TMEM266: variants seen among roughly 807,000 people sequenced by gnomAD.
TMEM266 encodes transmembrane protein 266, also known as Hv1 related protein 1.
In TMEM266, 33 loss-of-function variants were observed where a neutral mutation model predicts 50.5. The observed-to-expected ratio is 0.65, with a 90% confidence interval of 0.50 to 0.87. TMEM266 has a LOEUF of 0.87. Ranked by LOEUF, TMEM266 falls within the 40% of genes least tolerant of loss-of-function variation. The pLI is 0.00. For missense variants in TMEM266, 655 were observed against 695.1 expected (o/e 0.94, Z 0.65); for synonymous variants, 310 against 292.3 (o/e 1.06, Z -0.62).
intron 1 of TMEM266, among the ~76,000 whole-genome samples, chr15:76,108,562 G>C (rs1596109287): frequency 6.6e-6 from 1 of 152,168 alleles, no homozygotes; most frequent in Non-Finnish European, 1.5e-5. Context: ...GCTGCTGCTG[G>C]ACCCGGGACC....
intron 2 of TMEM266, among the ~76,000 whole-genome samples, chr15:76,136,223 G>A (rs137909395): frequency 1.3e-3 from 193 of 152,264 alleles, no homozygotes; most frequent in African/African-American, 4.5e-3. Flanking sequence ...GATTACAGGC[G>A]TGAGCCACCA....
At chr15:76,190,471 G>A (rs1276104369) in intron 8 of TMEM266, among the ~76,000 whole-genome samples, 1 of 152,142 alleles carries the variant, frequency 6.6e-6, no homozygotes, top group East Asian at 1.9e-4. Flanking sequence ...GGGTGTGGGA[G>A]AGTCCCCCTG....
intron 1 of TMEM266, chr15:76,114,140 T>C (rs997732563): frequency 6.6e-6 from 1 of 152,196 alleles, no homozygotes; most frequent in Non-Finnish European, 1.5e-5. Context: ...AAAGGAAAAT[T>C]AGACAGTATA....
Position 76,167,276 on chromosome 15 carries a change from C to T in TMEM266, c.457-2540C>T, listed in dbSNP as rs551671793. Among the ~76,000 whole-genome samples the T allele has an allele frequency of 1.3e-4, 20 of 152,088 alleles. 1 individual carries two copies. In the South Asian group the frequency reaches 4.2e-3, roughly 32 times the overall value. On this transcript the variant is annotated intron_variant, in intron 5 of 10. Transcript: ENST00000388942. ...ATGAGGTCGGTAGATCGAGACCATC[C>T]TGGCTAACATGGTGAAACCCCGTCT...
intron 1 of TMEM266, among the ~76,000 whole-genome samples, chr15:76,077,904 C>G (rs2036627733): frequency 6.6e-6 from 1 of 151,964 alleles, no homozygotes; most frequent in Non-Finnish European, 1.5e-5. Flanking sequence ...AGATGGTATT[C>G]ATTCTTATGG....
intron 1 of TMEM266, among the ~76,000 whole-genome samples, chr15:76,080,409 G>A (rs545002570): frequency 3.4e-4 from 50 of 147,630 alleles, no homozygotes; most frequent in African/African-American, 1.3e-3. Context: ...GCACCACCAC[G>A]CCTGGCTAAT....
intron 9 of TMEM266, 132 bp from the exon 10 acceptor site, chr15:76,202,070 G>A: frequency 2.8e-6 from 2 of 712,114 alleles, no homozygotes; most frequent in Non-Finnish European, 4.5e-6. Flanking sequence ...CTAAGAGGCA[G>A]CTCCCGTCAC....
At chr15:76,115,943 G>A (rs1266548690) in intron 1 of TMEM266, among the ~76,000 whole-genome samples, 2 of 152,178 alleles carry the variant, frequency 1.3e-5, no homozygotes, top group East Asian at 3.8e-4. Flanking sequence ...TTTTACTGGA[G>A]CAGTGCTCAG....
At chr15:76,105,691 C>G (rs1342999018) in intron 1 of TMEM266, among the ~76,000 whole-genome samples, 1 of 152,178 alleles carries the variant, frequency 6.6e-6, no homozygotes, top group Non-Finnish European at 1.5e-5. Context: ...AAGCGCTGCT[C>G]AAAGAGATGG....
Position 76,204,045 on chromosome 15 carries a change from C to T in TMEM266, c.1326C>T (p.Asp442=). The T allele has an allele frequency of 1.2e-6, 2 of 1,612,380 alleles. No individual in the cohort carries two copies. Among genetic ancestry groups the T allele is most frequent in the Non-Finnish European group, 1.7e-6 (2 of 1,179,196 alleles). Residue 442 remains aspartate, a synonymous_variant, in exon 11 of 11, where the codon GAC becomes GAT. Transcript: ENST00000388942. ...VQDLLSSLSE[D]PCPSQKALDP... The stretch of plus-strand genomic sequence containing the variant: ...AGGTGGAGGAGGCCACAGTCCAGGA[C>T]CTGCTGTCCTCCCTGTCGGAGGACC...
intron 8 of TMEM266, among the ~76,000 whole-genome samples, chr15:76,186,432 C>T (rs1345257219): frequency 6.6e-6 from 1 of 152,200 alleles, no homozygotes; most frequent in Non-Finnish European, 1.5e-5. Flanking sequence ...AGCCATTTTG[C>T]CCATGTGTGC....
chr15:76,062,995 GT>G (rs1398617753), intron 1 of TMEM266, among the ~76,000 whole-genome samples: 1 of 152,088 alleles, frequency 6.6e-6, no homozygotes, highest in Non-Finnish European at 1.5e-5. Context: ...TGGGATATTT[GT>G]TTTTCCTTGA....
intron 1 of TMEM266, among the ~76,000 whole-genome samples, chr15:76,060,902 T>C (rs758426281): frequency 1.3e-5 from 2 of 152,198 alleles, no homozygotes; most frequent in Admixed American, 6.5e-5. Flanking sequence ...GCTTGGCTTT[T>C]CTTTTAAAAT....
intron 3 of TMEM266, among the ~76,000 whole-genome samples, chr15:76,154,932 AG>A (rs2037902298): frequency 1.3e-5 from 2 of 152,328 alleles, no homozygotes; most frequent in South Asian, 4.1e-4. Flanking sequence ...TTCCGAGAGA[AG>A]GGGGCGCCTC....
chr15:76,084,623 C>G (rs1015417748), intron 1 of TMEM266, among the ~76,000 whole-genome samples: 7 of 150,206 alleles, frequency 4.7e-5, no homozygotes, highest in African/African-American at 7.4e-5. Context: ...TTTTTTGAGA[C>G]AGAGTCTTGC....
chr15:76,081,219 C>T (rs893105437), intron 1 of TMEM266, among the ~76,000 whole-genome samples: 5 of 152,226 alleles, frequency 3.3e-5, no homozygotes, highest in African/African-American at 1.2e-4. Flanking sequence ...TTACTTTTCT[C>T]CCATGCTATT....
At chr15:76,129,446 A>G (rs2037471617) in intron 1 of TMEM266, among the ~76,000 whole-genome samples, 1 of 152,080 alleles carries the variant, frequency 6.6e-6, no homozygotes, top group South Asian at 2.1e-4. Flanking sequence ...GTTCGAGACT[A>G]GCCTGGCCAA....
chr15:76,069,321 G>A (rs755099643), intron 1 of TMEM266, among the ~76,000 whole-genome samples: 2 of 152,156 alleles, frequency 1.3e-5, no homozygotes, highest in Non-Finnish European at 2.9e-5. Flanking sequence ...GAAAAAGCAG[G>A]AGGAGATAGG....
At chr15:76,119,391 C>CAAAAAAA (rs57532855) in intron 1 of TMEM266, among the ~76,000 whole-genome samples, 3 of 109,722 alleles carry the variant, frequency 2.7e-5, no homozygotes, top group Admixed American at 8.7e-5. Flanking sequence ...GGGTTTATGG[C>CAAAAAAA]AAAAAAAAAA....
Sources: allele counts gnomAD v4.1 joint callset (sites outside exome capture counted in the v4.1 genomes callset), GRCh38; gene constraint gnomAD v4.1.1; transcripts MANE v1.5; gene names NCBI Gene and HGNC (gene_info 2026-07-23, HGNC 2026-07-21).